TASP1: variants seen among roughly 807,000 people sequenced by gnomAD.
TASP1 encodes taspase 1, also known as threonine aspartase 1.
TASP1 carries 16 observed loss-of-function variants against 56.6 expected under a neutral mutation model. That is an observed-to-expected ratio of 0.28 (90% CI 0.19 to 0.43). TASP1 has a LOEUF of 0.43. Among genes scored for constraint, TASP1 ranks in the 20% least tolerant of loss-of-function variants. The probability of loss-of-function intolerance (pLI) is 1.00; values close to 1 mark genes in which losing one functional copy is unlikely to be tolerated. For missense variants in TASP1, 393 were observed against 511.6 expected, an observed-to-expected ratio of 0.77 and a Z score of 2.24; for synonymous variants, 179 against 184.2, an observed-to-expected ratio of 0.97 and a Z score of 0.23.
At chr20:13,576,277 G>A (rs2046907358) in intron 6 of TASP1, among the ~76,000 whole-genome samples, 1 of 147,912 alleles carries the variant, frequency 6.8e-6, no homozygotes, top group South Asian at 2.2e-4. Context: ...AGGAAGGGAA[G>A]AGAAGAGAAA....
the TASP1 span, among the ~76,000 whole-genome samples, chr20:13,179,474 G>A: frequency 6.7e-6 from 1 of 148,814 alleles, no homozygotes; most frequent in South Asian, 2.1e-4. Context: ...AAACAATTTG[G>A]AGAAAAAATA....
Position 13,459,555 on chromosome 20 carries a change from C to T in TASP1, c.985+23672G>A, listed in dbSNP as rs150330535. Among the ~76,000 whole-genome samples the T allele has an allele frequency of 2.6e-5, 4 of 152,256 alleles. No homozygotes were observed. The East Asian group carries it at 7.7e-4, about 29-fold the overall frequency. The stretch of plus-strand genomic sequence containing the variant: ...AATTACACTACCATGCTGACCATGC[C>T]TTCTTTAAATTCATGGTCACTATCT... On this transcript the variant is annotated intron_variant, in intron 11 of 13. Coordinates refer to ENST00000337743, the MANE Select transcript of TASP1 (RefSeq NM_017714.3).
chr20:13,299,757 C>T, the TASP1 span: 21 of 307,222 alleles, frequency 6.8e-5, no homozygotes, highest in East Asian at 1.1e-3. The surrounding 1 kb of genome is among the most constrained non-coding windows in gnomAD (Gnocchi z 5.8). Context: ...GTGGGTGCGA[C>T]TCAATTCACA....
chr20:13,438,629 G>A (rs999259534), intron 11 of TASP1, among the ~76,000 whole-genome samples: 3 of 152,132 alleles, frequency 2.0e-5, no homozygotes, highest in African/African-American at 7.2e-5. Flanking sequence ...CAAAAGCAAT[G>A]GCAACAAAAG....
the TASP1 span, among the ~76,000 whole-genome samples, chr20:13,134,834 A>T: frequency 6.6e-6 from 1 of 152,230 alleles, no homozygotes; most frequent in African/African-American, 2.4e-5. Flanking sequence ...GAAAAGCATG[A>T]AATGTGTTTG....
At chr20:13,122,973 A>G in the TASP1 span, among the ~76,000 whole-genome samples, 1 of 152,164 alleles carries the variant, frequency 6.6e-6, no homozygotes, top group African/African-American at 2.4e-5. Flanking sequence ...AGAAGCTTTT[A>G]TATTTTGGTC....
chr20:13,616,358 T>C (rs1185887052), intron 4 of TASP1, among the ~76,000 whole-genome samples: 1 of 152,106 alleles, frequency 6.6e-6, no homozygotes, highest in Admixed American at 6.6e-5. Context: ...AACAAGGGCA[T>C]ACATAGAGAG....
At chr20:13,111,378 G>A in the TASP1 span, among the ~76,000 whole-genome samples, 2 of 152,188 alleles carry the variant, frequency 1.3e-5, no homozygotes, top group Non-Finnish European at 2.9e-5. Context: ...CACATTTGGC[G>A]ATTTTCAGTC....
chr20:13,181,475 T>G, the TASP1 span, among the ~76,000 whole-genome samples: 1 of 152,068 alleles, frequency 6.6e-6, no homozygotes. Flanking sequence ...CCCACAAACA[T>G]CTAATCTTGA....
intron 7 of TASP1, among the ~76,000 whole-genome samples, chr20:13,563,242 A>C (rs1273623325): frequency 6.6e-6 from 1 of 151,932 alleles, no homozygotes; most frequent in East Asian, 1.9e-4. Flanking sequence ...ATCATGAAGA[A>C]ATAGAAAATT....
chr20:13,197,950 T>C, the TASP1 span, among the ~76,000 whole-genome samples: 4 of 152,254 alleles, frequency 2.6e-5, no homozygotes, highest in Non-Finnish European at 5.9e-5. Context: ...GTCATTTTTA[T>C]GTATATACTA....
chr20:13,383,871 A>G, the TASP1 span, among the ~76,000 whole-genome samples: 2 of 152,226 alleles, frequency 1.3e-5, no homozygotes, highest in Admixed American at 1.3e-4. Context: ...GCTTGGGGTG[A>G]TTTGTTATTC....
chr20:13,206,621 G>C, the TASP1 span, among the ~76,000 whole-genome samples: 68,805 of 151,932 alleles, frequency 0.45, 17,240 homozygotes, highest in African/African-American at 0.68. Flanking sequence ...GATTCCTTCC[G>C]TCTATTGAGG....
At position 13,390,061 on chromosome 20, in the gene TASP1, C is replaced by T. The variant is rs1038310535; in HGVS notation, c.*299G>A. On this transcript the variant is annotated 3_prime_UTR_variant, in exon 14 of 14. Coordinates refer to ENST00000337743, the MANE Select transcript of TASP1 (RefSeq NM_017714.3). ...ACACATTTTGTAAAGATGATTTAAC[C>T]ATTCCTGGTCACACAATGAGGAGTT... is the stretch of plus-strand genomic sequence containing the variant. 4 of 262,784 alleles carry T rather than the reference C, an allele frequency of 1.5e-5. No individual in the cohort carries two copies. Among genetic ancestry groups the T allele is most frequent in the African/African-American group, 8.9e-5 (4 of 44,734 alleles). 16.3% of individuals were successfully genotyped at this position (262,784 alleles called of 1,614,324 possible). A position where few individuals can be genotyped will look rare whatever the true frequency, so the allele number is the denominator to read the frequency against.
chr20:13,371,584 G>A, the TASP1 span, among the ~76,000 whole-genome samples: 5 of 152,028 alleles, frequency 3.3e-5, no homozygotes, highest in African/African-American at 1.2e-4. Context: ...AGTCTATTCT[G>A]GTGAATGTTC....
chr20:13,576,249 GA>G (rs2046905611), intron 6 of TASP1, among the ~76,000 whole-genome samples: 1 of 146,134 alleles, frequency 6.8e-6, no homozygotes, highest in Admixed American at 6.9e-5. Flanking sequence ...GGAGGGAAGG[GA>G]AGATAAGAGA....
the TASP1 span, among the ~76,000 whole-genome samples, chr20:13,140,104 T>C: frequency 1.3e-5 from 2 of 152,052 alleles, no homozygotes; most frequent in African/African-American, 2.4e-5. Context: ...TGACATAAAA[T>C]TGGAGTAGCT....
At chr20:13,426,030 G>A (rs1034740817) in intron 12 of TASP1, among the ~76,000 whole-genome samples, 2 of 152,160 alleles carry the variant, frequency 1.3e-5, no homozygotes, top group African/African-American at 4.8e-5. Context: ...CTCTTTCTAA[G>A]GCTTGTTTAG....
chr20:13,467,860 T>C (rs1042873148), intron 11 of TASP1, among the ~76,000 whole-genome samples: 3 of 151,812 alleles, frequency 2.0e-5, no homozygotes, highest in African/African-American at 7.3e-5. Flanking sequence ...CTACTAAAAA[T>C]ACAAAGTTAG....
Sources: allele counts gnomAD v4.1 joint callset (sites outside exome capture counted in the v4.1 genomes callset), GRCh38; gene constraint gnomAD v4.1.1; non-coding constraint Gnocchi (gnomAD v3.1); transcripts MANE v1.5; gene names NCBI Gene and HGNC (gene_info 2026-07-23, HGNC 2026-07-21).